The following ADCY2 variants were observed in gnomAD, a reference collection of about 807,000 sequenced individuals.
The protein encoded by ADCY2 is adenylate cyclase type 2.
Under a neutral mutation model 125.2 loss-of-function variants are expected in ADCY2, and 31 were observed. That is an observed-to-expected ratio of 0.25 (90% CI 0.19 to 0.33). ADCY2 has a LOEUF of 0.33. Among genes scored for constraint, ADCY2 ranks in the 10% least tolerant of loss-of-function variants. The probability of loss-of-function intolerance (pLI) is 1.00; values close to 1 mark genes in which losing one functional copy is unlikely to be tolerated. For missense variants in ADCY2, 904 were observed against 1,418.2 expected (o/e 0.64, Z 5.82); for synonymous variants, 512 against 548.4 (o/e 0.93, Z 0.93).
intron 2 of ADCY2, among the ~76,000 whole-genome samples, chr5:7,467,659 T>C (rs1232436763): frequency 6.6e-6 from 1 of 152,238 alleles, no homozygotes; most frequent in African/African-American, 2.4e-5. Context: ...ATAAGTGGAA[T>C]TTTCAAAGAA....
intron 5 of ADCY2, chr5:7,691,458 A>T (rs16878987): frequency 6.6e-6 from 1 of 152,224 alleles, no homozygotes; most frequent in Non-Finnish European, 1.5e-5. Flanking sequence ...GAAAACTAAC[A>T]TGTTATCATC....
intron 15 of ADCY2, among the ~76,000 whole-genome samples, chr5:7,748,564 A>AC (rs1742709631): frequency 6.7e-6 from 1 of 149,552 alleles, no homozygotes. Flanking sequence ...ACACACACAC[A>AC]AAATGCTGAA....
chr5:7,722,361 A>G (rs1002853366), intron 12 of ADCY2, among the ~76,000 whole-genome samples: 2 of 152,202 alleles, frequency 1.3e-5, no homozygotes, highest in Non-Finnish European at 2.9e-5. Context: ...TCGCAAGCTG[A>G]CATTTTCCAG....
intron 4 of ADCY2, among the ~76,000 whole-genome samples, chr5:7,688,265 T>A (rs11134250): frequency 0.44 from 58,285 of 132,216 alleles, 12,931 homozygotes; most frequent in East Asian, 0.85. Flanking sequence ...TCTCCTGATT[T>A]TTTTTGTTGT....
At chr5:7,577,190 A>G (rs1174017808) in intron 3 of ADCY2, among the ~76,000 whole-genome samples, 1 of 152,164 alleles carries the variant, frequency 6.6e-6, no homozygotes, top group Admixed American at 6.5e-5. Context: ...AAAGTATTCC[A>G]GGGTGGACAG....
intron 3 of ADCY2, among the ~76,000 whole-genome samples, chr5:7,543,894 G>C (rs1300342124): frequency 1.3e-5 from 2 of 151,202 alleles, no homozygotes; most frequent in Middle Eastern, 3.2e-3. Context: ...GGTACCTGTA[G>C]TTCCACCTAC....
At chr5:7,508,493 TG>T (rs1351656429) in intron 2 of ADCY2, among the ~76,000 whole-genome samples, 1 of 152,158 alleles carries the variant, frequency 6.6e-6, no homozygotes, top group Non-Finnish European at 1.5e-5. Context: ...AGGACTCAGT[TG>T]AAGAGATGTG....
At chr5:7,436,186 A>G (rs1441455702) in intron 2 of ADCY2, among the ~76,000 whole-genome samples, 1 of 152,192 alleles carries the variant, frequency 6.6e-6, no homozygotes, top group Non-Finnish European at 1.5e-5. Flanking sequence ...GTTGACGAAA[A>G]TATTGTGACC....
intron 4 of ADCY2, among the ~76,000 whole-genome samples, chr5:7,651,583 C>T (rs898655001): frequency 1.1e-4 from 16 of 152,186 alleles, no homozygotes; most frequent in African/African-American, 2.9e-4. Flanking sequence ...ATTCTGGCCG[C>T]GCTGGCAGCT....
intron 7 of ADCY2, among the ~76,000 whole-genome samples, chr5:7,700,254 T>A (rs745382607): frequency 6.6e-6 from 1 of 152,212 alleles, no homozygotes; most frequent in Non-Finnish European, 1.5e-5. Context: ...GAAGATTTGC[T>A]TATATAGGAT....
At chr5:7,817,584 T>A (rs1745156213) in intron 23 of ADCY2, among the ~76,000 whole-genome samples, 1 of 152,154 alleles carries the variant, frequency 6.6e-6, no homozygotes, top group African/African-American at 2.4e-5. Flanking sequence ...CCCAGCACTT[T>A]CGGAGGCTGA....
At chr5:7,509,437 T>C (rs1743971893) in intron 2 of ADCY2, among the ~76,000 whole-genome samples, 1 of 152,202 alleles carries the variant, frequency 6.6e-6, no homozygotes, top group African/African-American at 2.4e-5. Flanking sequence ...CTGTATTCCC[T>C]CAGGACACCC....
rs80295798 is a variant in ADCY2 at position 7,466,102 on chromosome 5, A to G, written c.408+51332A>G. Reference sequence around the variant, plus strand: ...GTGCCAGTAATGATTAAAACATTTTAAGATGAAATTCTTTATTACTGCTGC... The same window carrying G: ...GTGCCAGTAATGATTAAAACATTTTGAGATGAAATTCTTTATTACTGCTGC... On this transcript the variant is annotated intron_variant, in intron 2 of 24. Transcript: ENST00000338316. 5.3e-3 allele frequency among the ~76,000 whole-genome samples: 810 copies of G among 152,338 alleles called. 6 individuals carry two copies. The highest frequency in any genetic ancestry group is 0.018 in the African/African-American group (738 of 41,578).
intron 14 of ADCY2, among the ~76,000 whole-genome samples, chr5:7,739,583 T>TA (rs1483986561): frequency 6.6e-6 from 1 of 151,648 alleles, no homozygotes; most frequent in South Asian, 2.1e-4. Flanking sequence ...ATCAATAAAA[T>TA]AGAAAACCAT....
chr5:7,474,549 G>A lies in ADCY2; in HGVS notation c.409-46189G>A, dbSNP rs1213864549. On this transcript the variant is annotated intron_variant, in intron 2 of 24. Coordinates refer to ENST00000338316, the MANE Select transcript of ADCY2 (RefSeq NM_020546.3). ...TTGTGGTTGTGGCAGTTTTTGGAAGGGATTTTGGAGACAATTTTCCAGACA... is the reference window on the plus strand; with the variant it reads ...TTGTGGTTGTGGCAGTTTTTGGAAGAGATTTTGGAGACAATTTTCCAGACA... 6.6e-5 allele frequency among the ~76,000 whole-genome samples: 10 copies of A among 152,268 alleles called. 1 individual carries two copies. The East Asian group carries it at 1.5e-3, about 24-fold the overall frequency.
At chr5:7,799,030 G>A (rs908080795) in intron 20 of ADCY2, 1 of 152,182 alleles carries the variant, frequency 6.6e-6, no homozygotes, top group Non-Finnish European at 1.5e-5. Context: ...CCACAGAAAC[G>A]CAGTTGCTTT....
Position 7,709,327 on chromosome 5 carries a change from C to T in ADCY2, c.1518C>T (p.Pro506=), listed in dbSNP as rs764207642. The T allele has an allele frequency of 8.1e-6, 13 of 1,613,386 alleles. No homozygotes were observed. The East Asian group carries it at 1.6e-4, about 19-fold the overall frequency. Residue 506 remains proline, a synonymous_variant, in exon 10 of 25, where the codon CCC becomes CCT. Coordinates refer to ENST00000338316, the MANE Select transcript of ADCY2 (RefSeq NM_020546.3). The surrounding 1 kb of genome is among the most constrained non-coding windows in gnomAD (Gnocchi z 4.4). ...TGGAGTCCTGGGGGGCAGCCAAGCC[C>T]TTTGCACACCTACATCACAGGGACA... ...RYLESWGAAK[P]FAHLHHRDSM...
At chr5:7,735,845 C>A (rs1742233407) in intron 14 of ADCY2, among the ~76,000 whole-genome samples, 1 of 152,170 alleles carries the variant, frequency 6.6e-6, no homozygotes, top group East Asian at 1.9e-4. Context: ...GAGTTAAGAA[C>A]TGTTCCCTTC....
intron 2 of ADCY2, among the ~76,000 whole-genome samples, chr5:7,516,973 G>T (rs1314485737): frequency 6.6e-6 from 1 of 152,094 alleles, no homozygotes; most frequent in African/African-American, 2.4e-5. Flanking sequence ...GACTTTCAAG[G>T]ATTTGCATCT....
Sources: allele counts gnomAD v4.1 joint callset (sites outside exome capture counted in the v4.1 genomes callset), GRCh38; gene constraint gnomAD v4.1.1; non-coding constraint Gnocchi (gnomAD v3.1); transcripts MANE v1.5; gene names NCBI Gene and HGNC (gene_info 2026-07-23, HGNC 2026-07-21).